The following PPARGC1A variants were observed in gnomAD, a reference collection of about 807,000 sequenced individuals.
The protein encoded by PPARGC1A is PPARG coactivator 1 alpha, also known as peroxisome proliferator-activated receptor gamma coactivator 1-alpha.
In PPARGC1A, 25 loss-of-function variants were observed where a neutral mutation model predicts 88.7. That is an observed-to-expected ratio of 0.28 (90% CI 0.21 to 0.39). The LOEUF is 0.39. Ranked by LOEUF, PPARGC1A falls within the 10% of genes least tolerant of loss-of-function variation. The pLI is 1.00. For missense variants in PPARGC1A, 880 were observed against 968.7 expected (o/e 0.91, Z 1.22); for synonymous variants, 363 against 355.6 (o/e 1.02, Z -0.24).
At chr4:24,015,283 G>A in the PPARGC1A span, among the ~76,000 whole-genome samples, 2 of 152,038 alleles carry the variant, frequency 1.3e-5, no homozygotes, top group African/African-American at 4.8e-5. Flanking sequence ...GATAGAGATA[G>A]AGATAGAGGT....
the PPARGC1A span, among the ~76,000 whole-genome samples, chr4:24,020,480 TCTTA>T: frequency 1.3e-5 from 2 of 152,128 alleles, no homozygotes; most frequent in African/African-American, 4.8e-5. Context: ...TCTTAGAAAC[TCTTA>T]TTTATTCCAT....
the PPARGC1A span, among the ~76,000 whole-genome samples, chr4:24,192,848 A>C: frequency 6.6e-6 from 1 of 152,218 alleles, no homozygotes; most frequent in Non-Finnish European, 1.5e-5. Flanking sequence ...AAATATTAAA[A>C]TCTTAAGATC....
At chr4:24,339,968 A>G in the PPARGC1A span, among the ~76,000 whole-genome samples, 1 of 151,936 alleles carries the variant, frequency 6.6e-6, no homozygotes, top group African/African-American at 2.4e-5. Flanking sequence ...CCATCTCCTG[A>G]CCTCGTGATC....
the PPARGC1A span, among the ~76,000 whole-genome samples, chr4:24,270,106 A>T: frequency 2.0e-5 from 3 of 152,124 alleles, no homozygotes; most frequent in Admixed American, 2.0e-4. Flanking sequence ...CAATGTCTTG[A>T]AGACTTGAAT....
At chr4:24,084,713 T>A in the PPARGC1A span, among the ~76,000 whole-genome samples, 1 of 152,120 alleles carries the variant, frequency 6.6e-6, no homozygotes, top group African/African-American at 2.4e-5. Flanking sequence ...AAGAAATACA[T>A]CAAACATTTC....
chr4:24,291,726 G>T, the PPARGC1A span, among the ~76,000 whole-genome samples: 1 of 152,138 alleles, frequency 6.6e-6, no homozygotes, highest in African/African-American at 2.4e-5. Flanking sequence ...CGGCTCTGGG[G>T]CCCAGAATGG....
At chr4:24,387,864 GAAAGGAAGAA>G in the PPARGC1A span, among the ~76,000 whole-genome samples, 1 of 118,020 alleles carries the variant, frequency 8.5e-6, no homozygotes. Context: ...GAGAAAGAGA[GAAAGGAAGAA>G]AGAGAAAGAA....
chr4:24,339,807 C>T, the PPARGC1A span, among the ~76,000 whole-genome samples: 1 of 152,108 alleles, frequency 6.6e-6, no homozygotes, highest in African/African-American at 2.4e-5. Flanking sequence ...GGTGCGATCT[C>T]GGCTCACTGC....
chr4:24,156,835 C>T, the PPARGC1A span, among the ~76,000 whole-genome samples: 3 of 150,728 alleles, frequency 2.0e-5, no homozygotes, highest in African/African-American at 7.3e-5. Context: ...AGAAAATGAA[C>T]TCTGCCTGCT....
chr4:24,207,805 A>T, the PPARGC1A span, among the ~76,000 whole-genome samples: 1 of 152,254 alleles, frequency 6.6e-6, no homozygotes, highest in Non-Finnish European at 1.5e-5. Context: ...AGGAATAAAT[A>T]AAAAACCTGA....
At chr4:24,315,374 G>A in the PPARGC1A span, among the ~76,000 whole-genome samples, 1 of 152,148 alleles carries the variant, frequency 6.6e-6, no homozygotes. Context: ...CCACATGAAG[G>A]AAATGGCCTT....
intron 12 of PPARGC1A, among the ~76,000 whole-genome samples, chr4:23,797,409 C>T (rs1717806662): frequency 6.6e-6 from 1 of 152,022 alleles, no homozygotes; most frequent in Non-Finnish European, 1.5e-5. Flanking sequence ...AATCAGAATT[C>T]CACTTGCATT....
chr4:23,911,685 A>G, the PPARGC1A span, among the ~76,000 whole-genome samples: 1 of 152,256 alleles, frequency 6.6e-6, no homozygotes, highest in Non-Finnish European at 1.5e-5. Context: ...ATCAAGGACT[A>G]GAGAAATTGT....
intron 2 of PPARGC1A, among the ~76,000 whole-genome samples, chr4:23,838,302 G>A (rs1197915901): frequency 6.6e-6 from 1 of 151,908 alleles, no homozygotes; most frequent in African/African-American, 2.4e-5. Flanking sequence ...CAGTATATCT[G>A]TGCCCCTTTC....
chr4:23,913,263 TATATAGAGAGAGAGAGAGAG>T, the PPARGC1A span, among the ~76,000 whole-genome samples: 71 of 56,062 alleles, frequency 1.3e-3, no homozygotes, highest in African/African-American at 5.1e-3. Context: ...TATATATATA[TATATAGAGAGAGAGAGAGAG>T]AGAGAGAGAG....
chr4:24,095,981 C>T, the PPARGC1A span, among the ~76,000 whole-genome samples: 1 of 152,120 alleles, frequency 6.6e-6, no homozygotes, highest in African/African-American at 2.4e-5. Context: ...TCTATTCAAA[C>T]CATAGCAGGC....
the PPARGC1A span, among the ~76,000 whole-genome samples, chr4:24,262,511 G>T: frequency 6.6e-6 from 1 of 152,148 alleles, no homozygotes; most frequent in Non-Finnish European, 1.5e-5. Flanking sequence ...AAAGAGTAAA[G>T]GAAACCATTT....
the PPARGC1A span, among the ~76,000 whole-genome samples, chr4:24,263,675 TGAA>T: frequency 6.6e-6 from 1 of 152,190 alleles, no homozygotes; most frequent in Non-Finnish European, 1.5e-5. Flanking sequence ...CCACCCAATG[TGAA>T]GATGATGAGG....
At chr4:23,824,232 C>T in intron 7 of PPARGC1A, 48 bp downstream of exon 7, 9 of 1,452,724 alleles carry the variant, frequency 6.2e-6, no homozygotes, top group Non-Finnish European at 7.7e-6. Context: ...CACACACACA[C>T]ATATACAGAC....
Sources: allele counts gnomAD v4.1 joint callset (sites outside exome capture counted in the v4.1 genomes callset), GRCh38; gene constraint gnomAD v4.1.1; transcripts MANE v1.5; gene names NCBI Gene and HGNC (gene_info 2026-07-23, HGNC 2026-07-21).